The following SPMIP4 variants were observed in gnomAD, a reference collection of about 807,000 sequenced individuals.
SPMIP4 encodes sperm-associated microtubule inner protein 4.
At chr7:25,135,295 AAC>A in the SPMIP4 span, 3 of 981,458 alleles carry the variant, frequency 3.1e-6, no homozygotes, top group Non-Finnish European at 3.6e-6. Context: ...GCATAAAAGA[AAC>A]AGTTATGTTT....
the SPMIP4 span, among the ~76,000 whole-genome samples, chr7:25,166,810 G>C: frequency 1.4e-4 from 21 of 152,010 alleles, no homozygotes; most frequent in African/African-American, 4.8e-4. Flanking sequence ...CAGGAGAATT[G>C]CTTGAACTCA....
At chr7:25,164,420 T>G in the SPMIP4 span, among the ~76,000 whole-genome samples, 1 of 152,176 alleles carries the variant, frequency 6.6e-6, no homozygotes, top group African/African-American at 2.4e-5. Context: ...CTGGGGAACC[T>G]TTTGAACACC....
At chr7:25,127,801 C>T in the SPMIP4 span, among the ~76,000 whole-genome samples, 2 of 152,312 alleles carry the variant, frequency 1.3e-5, no homozygotes, top group Admixed American at 6.5e-5. Context: ...ATTGTCTTCA[C>T]AGTCTGGGCT....
chr7:25,155,420 A>C, the SPMIP4 span, among the ~76,000 whole-genome samples: 7 of 152,256 alleles, frequency 4.6e-5, no homozygotes, highest in Non-Finnish European at 4.4e-5. Context: ...ACAAAACTAA[A>C]TTTAATTTTA....
chr7:25,162,853 C>T, the SPMIP4 span, among the ~76,000 whole-genome samples: 9 of 152,092 alleles, frequency 5.9e-5, no homozygotes, highest in African/African-American at 2.2e-4. Context: ...CTCACTGCAA[C>T]TTCTACCTCC....
At chr7:25,136,322 A>G in the SPMIP4 span, 1 of 1,614,178 alleles carries the variant, frequency 6.2e-7, no homozygotes, top group Non-Finnish European at 8.5e-7. The surrounding 1 kb of genome is among the most constrained non-coding windows in gnomAD (Gnocchi z 5.7). Context: ...CACATATTAT[A>G]CTGATCACGT....
the SPMIP4 span, among the ~76,000 whole-genome samples, chr7:25,163,982 C>T: frequency 3.3e-5 from 5 of 152,120 alleles, no homozygotes; most frequent in Admixed American, 2.6e-4. This position sits in a 1 kb window ranked among gnomAD's most constrained non-coding sequence, Gnocchi z 4.4. Context: ...AATGATTCAC[C>T]GTATTGATAG....
the SPMIP4 span, among the ~76,000 whole-genome samples, chr7:25,156,090 T>C: frequency 6.6e-6 from 1 of 152,106 alleles, no homozygotes; most frequent in Non-Finnish European, 1.5e-5. Flanking sequence ...TGGAGCAGGG[T>C]GGGCCCCTAA....
At chr7:25,134,627 AGGGAAGCTG>A in the SPMIP4 span, 3 of 971,442 alleles carry the variant, frequency 3.1e-6, no homozygotes, top group Non-Finnish European at 3.7e-6. Flanking sequence ...CATGCAACCC[AGGGAAGCTG>A]GGTACAAAGG....
the SPMIP4 span, among the ~76,000 whole-genome samples, chr7:25,160,481 T>C: frequency 6.6e-6 from 1 of 152,114 alleles, no homozygotes; most frequent in Non-Finnish European, 1.5e-5. Flanking sequence ...ATATTTTTAG[T>C]AGAGACAGGG....
At chr7:25,177,482 A>G in the SPMIP4 span, among the ~76,000 whole-genome samples, 1 of 152,122 alleles carries the variant, frequency 6.6e-6, no homozygotes, top group South Asian at 2.1e-4. Context: ...ACTCCGTCTA[A>G]TAAAAAAAAA....
chr7:25,166,157 G>A, the SPMIP4 span, among the ~76,000 whole-genome samples: 12 of 151,918 alleles, frequency 7.9e-5, no homozygotes, highest in Non-Finnish European at 1.3e-4. Flanking sequence ...CCTGGATGCC[G>A]AACAATGAGC....
At chr7:25,160,697 C>A in the SPMIP4 span, among the ~76,000 whole-genome samples, 21 of 152,254 alleles carry the variant, frequency 1.4e-4, no homozygotes, top group Admixed American at 3.9e-4. Flanking sequence ...GAAAAGAATA[C>A]CTTTAAGTGA....
the SPMIP4 span, among the ~76,000 whole-genome samples, chr7:25,146,977 A>G: frequency 6.6e-6 from 1 of 152,320 alleles, no homozygotes; most frequent in African/African-American, 2.4e-5. Flanking sequence ...AATGAAACCA[A>G]CAGCCCAGAA....
chr7:25,174,661 T>G, the SPMIP4 span, among the ~76,000 whole-genome samples: 21 of 152,180 alleles, frequency 1.4e-4, no homozygotes, highest in African/African-American at 5.1e-4. The surrounding 1 kb of genome is among the most constrained non-coding windows in gnomAD (Gnocchi z 4.5). Context: ...AATTCTATAA[T>G]GAAATCCTAT....
chr7:25,128,600 G>T, the SPMIP4 span, among the ~76,000 whole-genome samples: 5 of 152,310 alleles, frequency 3.3e-5, no homozygotes, highest in African/African-American at 9.6e-5. This position sits in a 1 kb window ranked among gnomAD's most constrained non-coding sequence, Gnocchi z 4.5. Context: ...GGGCAGTGGG[G>T]TCCTCTTTGG....
chr7:25,132,602 ACT>A, the SPMIP4 span, among the ~76,000 whole-genome samples: 3 of 152,182 alleles, frequency 2.0e-5, no homozygotes, highest in South Asian at 4.1e-4. The surrounding 1 kb of genome is among the most constrained non-coding windows in gnomAD (Gnocchi z 5.0). Context: ...GTGTTTGTGC[ACT>A]GTTTCAGGGG....
chr7:25,138,984 C>T, the SPMIP4 span, among the ~76,000 whole-genome samples: 4 of 152,194 alleles, frequency 2.6e-5, 1 homozygote, highest in Non-Finnish European at 5.9e-5. The surrounding 1 kb of genome is among the most constrained non-coding windows in gnomAD (Gnocchi z 6.2). Flanking sequence ...AATAGATACA[C>T]GCTGGGTGGT....
At chr7:25,168,979 G>A in the SPMIP4 span, among the ~76,000 whole-genome samples, 82 of 149,496 alleles carry the variant, frequency 5.5e-4, 1 homozygote, top group South Asian at 0.015. Flanking sequence ...CACCCGCCTC[G>A]GCCTCCCAAA....
Sources: gnomAD v4.1 joint callset for allele counts (sites outside exome capture counted in the v4.1 genomes callset) on GRCh38, gnomAD v4.1.1 for gene constraint, Gnocchi (gnomAD v3.1) non-coding constraint, MANE v1.5 for transcripts, NCBI Gene and HGNC (gene_info 2026-07-23, HGNC 2026-07-21) for gene names.